The following PTPRD variants were observed in gnomAD, a reference collection of about 807,000 sequenced individuals.
PTPRD encodes receptor-type tyrosine-protein phosphatase delta.
A neutral mutation model predicts 214.5 loss-of-function variants in PTPRD; 34 were observed. The ratio of observed to expected loss-of-function variants is 0.16; its 90% CI spans 0.12 to 0.21. The LOEUF (loss-of-function observed/expected upper bound fraction) is 0.21. PTPRD is among the 10% of genes least tolerant of loss of function. The pLI is 1.00. For synonymous variants in PTPRD, 1,128 were observed against 845.7 expected, an observed-to-expected ratio of 1.33 and a Z score of -5.79; for missense variants, 2,545 against 2,398.7, an observed-to-expected ratio of 1.06 and a Z score of -1.27.
chr9:10,565,362 C>G (rs1315111138), intron 2 of PTPRD, among the ~76,000 whole-genome samples: 1 of 151,750 alleles, frequency 6.6e-6, no homozygotes, highest in Non-Finnish European at 1.5e-5. Flanking sequence ...TTCATAATTG[C>G]CTTTAAGATT....
chr9:10,189,675 C>G (rs1007088731), intron 3 of PTPRD, among the ~76,000 whole-genome samples: 2 of 151,334 alleles, frequency 1.3e-5, no homozygotes, highest in East Asian at 3.9e-4. Context: ...GAAAGGCAAG[C>G]AAAGAAACAA....
intron 7 of PTPRD, among the ~76,000 whole-genome samples, chr9:9,725,530 T>G (rs1009470284): frequency 3.3e-5 from 5 of 152,152 alleles, no homozygotes; most frequent in African/African-American, 1.2e-4. Context: ...ACATAAGCAC[T>G]TTATCTGAGC....
chr9:9,730,300 C>A (rs1438048543), intron 7 of PTPRD, among the ~76,000 whole-genome samples: 2 of 152,040 alleles, frequency 1.3e-5, no homozygotes, highest in Non-Finnish European at 2.9e-5. Context: ...GCCAAACTTG[C>A]ATAAAATTTG....
At chr9:8,517,773 CTT>C in intron 21 of PTPRD, 73 bp downstream of exon 21, 3 of 1,275,512 alleles carry the variant, frequency 2.4e-6, no homozygotes, top group Non-Finnish European at 3.3e-6. Context: ...TTTGTTCCTT[CTT>C]TGTTTTTGTC....
chr9:9,657,063 A>G (rs2096533052), intron 7 of PTPRD, among the ~76,000 whole-genome samples: 1 of 152,130 alleles, frequency 6.6e-6, no homozygotes, highest in Non-Finnish European at 1.5e-5. Flanking sequence ...ATAGTTAATA[A>G]TGTTAAATCC....
chr9:10,561,138 A>C (rs938970503), intron 2 of PTPRD, among the ~76,000 whole-genome samples: 6 of 152,158 alleles, frequency 3.9e-5, no homozygotes, highest in African/African-American at 1.4e-4. Context: ...GATGGTGTCT[A>C]GATTTTGGTT....
intron 2 of PTPRD, among the ~76,000 whole-genome samples, chr9:10,495,582 C>G (rs114577047): frequency 9.3e-4 from 141 of 151,890 alleles, no homozygotes; most frequent in African/African-American, 3.3e-3. Context: ...GTCTTATATT[C>G]ATTGTCTCAT....
intron 2 of PTPRD, among the ~76,000 whole-genome samples, chr9:10,601,727 A>G (rs1427456387): frequency 6.6e-6 from 1 of 151,742 alleles, no homozygotes; most frequent in Admixed American, 6.6e-5. Context: ...CTCCTTCTCC[A>G]AGCTTTTCAG....
intron 11 of PTPRD, among the ~76,000 whole-genome samples, chr9:8,968,444 G>A (rs7042099): frequency 0.69 from 104,264 of 150,358 alleles, 36,560 homozygotes; most frequent in East Asian, 0.85. Context: ...AATGATCGCC[G>A]TTCTAACTGG....
chr9:10,186,972 C>T (rs2099335275), intron 3 of PTPRD, among the ~76,000 whole-genome samples: 1 of 152,040 alleles, frequency 6.6e-6, no homozygotes, highest in East Asian at 1.9e-4. Context: ...CTCATCATAC[C>T]AGGAGAGAAA....
At chr9:10,602,070 T>C (rs922359091) in intron 2 of PTPRD, among the ~76,000 whole-genome samples, 14 of 151,778 alleles carry the variant, frequency 9.2e-5, no homozygotes. Flanking sequence ...TTCTATTTTA[T>C]ATATTTTAAC....
chr9:8,845,833 C>T (rs1246752257), intron 11 of PTPRD, among the ~76,000 whole-genome samples: 1 of 152,152 alleles, frequency 6.6e-6, no homozygotes, highest in Non-Finnish European at 1.5e-5. Context: ...TTGCCAGAAC[C>T]GAGATCAATT....
At chr9:8,661,151 C>G (rs913965056) in intron 12 of PTPRD, among the ~76,000 whole-genome samples, 1 of 152,066 alleles carries the variant, frequency 6.6e-6, no homozygotes, top group Non-Finnish European at 1.5e-5. Flanking sequence ...CAGACCCTTA[C>G]AAGCTGAAGA....
intron 39 of PTPRD, among the ~76,000 whole-genome samples, chr9:8,365,365 C>G (rs1288904211): frequency 6.6e-6 from 1 of 152,126 alleles, no homozygotes; most frequent in East Asian, 1.9e-4. Flanking sequence ...CTCCTACCCA[C>G]AAGCTAATAT....
At chr9:9,402,391 T>G (rs1372736392) in intron 8 of PTPRD, among the ~76,000 whole-genome samples, 1 of 152,094 alleles carries the variant, frequency 6.6e-6, no homozygotes, top group African/African-American at 2.4e-5. Flanking sequence ...CAGGTTTGAA[T>G]TTATACCACC....
chr9:9,448,262 C>A (rs1441443484), intron 8 of PTPRD, among the ~76,000 whole-genome samples: 1 of 152,028 alleles, frequency 6.6e-6, no homozygotes. Flanking sequence ...GGCTATGTGT[C>A]CCCACCCAAA....
chr9:10,324,397 C>T (rs1045158567), intron 3 of PTPRD, among the ~76,000 whole-genome samples: 6 of 151,886 alleles, frequency 4.0e-5, no homozygotes, highest in Non-Finnish European at 2.9e-5. Flanking sequence ...ATTATTGATG[C>T]AGAAATAATT....
intron 2 of PTPRD, among the ~76,000 whole-genome samples, chr9:10,448,549 T>C (rs768830939): frequency 1.3e-5 from 2 of 152,032 alleles, no homozygotes; most frequent in Admixed American, 6.5e-5. Context: ...CAAGTGATAG[T>C]GAACACCTTA....
chr9:10,599,863 A>G (rs77086806), intron 2 of PTPRD, among the ~76,000 whole-genome samples: 4,707 of 151,844 alleles, frequency 0.031, 144 homozygotes, highest in East Asian at 0.095. Context: ...CAGTTATTTC[A>G]ATCTCCCCAA....
Sources: gnomAD v4.1 joint callset for allele counts (sites outside exome capture counted in the v4.1 genomes callset) on GRCh38, gnomAD v4.1.1 for gene constraint, MANE v1.5 for transcripts, NCBI Gene and HGNC (gene_info 2026-07-23, HGNC 2026-07-21) for gene names.